Variants in DMD observed in about 807,000 individuals in gnomAD.
DMD encodes the protein dystrophin, also known as mutant dystrophin.
A neutral mutation model predicts 330.1 loss-of-function variants in DMD; 63 were observed. The observed-to-expected ratio is 0.19, with a 90% CI of 0.16 to 0.24. DMD has a LOEUF of 0.24. DMD is among the 10% of genes least tolerant of loss of function. The probability of loss-of-function intolerance (pLI) is 1.00; values close to 1 mark genes in which losing one functional copy is unlikely to be tolerated. For missense variants in DMD, 3,344 were observed against 2,684.1 expected (o/e 1.25, Z -5.43); for synonymous variants, 1,223 against 959.8 (o/e 1.27, Z -5.07).
Position 31,824,975 on chromosome X carries a change from A to G in DMD, c.7201-4892T>C, listed in dbSNP as rs753819366. Among the ~76,000 whole-genome samples, 3 of 111,882 alleles carry G rather than the reference A, an allele frequency of 2.7e-5. No homozygotes were observed. The South Asian group carries it at 1.1e-3, about 42-fold the overall frequency. ...AAATGTAACTTTTTTATTTATTAAA[A>G]ATCAGTCTTGAACCCAAAAGCAAAC... On this transcript the variant is annotated intron_variant, in intron 49 of 78. Transcript: ENST00000357033.
chrX:32,895,148 T>G (rs187952815), intron 2 of DMD, among the ~76,000 whole-genome samples: 1 of 112,162 alleles, frequency 8.9e-6, no homozygotes, highest in Non-Finnish European at 1.9e-5. Flanking sequence ...CTTACCCTAA[T>G]TAATTCCCAA....
intron 2 of DMD, among the ~76,000 whole-genome samples, chrX:32,855,573 C>T (rs1420100183): frequency 1.8e-5 from 2 of 111,680 alleles, no homozygotes; most frequent in Non-Finnish European, 3.8e-5. Flanking sequence ...AAAAGACCAT[C>T]TTTTCAATAA....
chrX:31,941,712 C>G (rs775829786), intron 45 of DMD, among the ~76,000 whole-genome samples: 8 of 111,335 alleles, frequency 7.2e-5, no homozygotes, highest in Non-Finnish European at 1.1e-4. Context: ...CCTTCCTCCC[C>G]CTTCTAGTAG....
At chrX:32,598,225 T>C (rs1192223523) in intron 12 of DMD, among the ~76,000 whole-genome samples, 1 of 112,350 alleles carries the variant, frequency 8.9e-6, no homozygotes, top group African/African-American at 3.2e-5. Flanking sequence ...TGCATCTATT[T>C]TGTGTGTGCA....
chrX:31,523,155 C>T (rs1256269387), intron 55 of DMD, among the ~76,000 whole-genome samples: 1 of 111,017 alleles, frequency 9.0e-6, no homozygotes, highest in Non-Finnish European at 1.9e-5. Flanking sequence ...CAAGTGATGC[C>T]GATACTGCTA....
At position 31,249,008 on chromosome X, in the gene DMD, C is replaced by G. The variant is rs747839591; in HGVS notation, c.9286+11947G>C. 1.1e-4 allele frequency among the ~76,000 whole-genome samples: 12 copies of G among 111,799 alleles called. No homozygotes were observed. The East Asian group carries it at 2.5e-3, about 24-fold the overall frequency. On this transcript the variant is annotated intron_variant, in intron 63 of 78. Coordinates refer to ENST00000357033, the MANE Select transcript of DMD (RefSeq NM_004006.3). ...CTGTGTGTGTGGCTTCTCAGCACTT[C>G]CATTCTTGAGTAACCAATTTCCCGC...
At chrX:31,453,786 A>AC (rs2065950358) in intron 59 of DMD, among the ~76,000 whole-genome samples, 1 of 105,182 alleles carries the variant, frequency 9.5e-6, no homozygotes, top group Non-Finnish European at 1.9e-5. Flanking sequence ...AAAAAAAAAA[A>AC]AAAACCACAA....
At chrX:31,902,015 G>A (rs2094429536) in intron 47 of DMD, among the ~76,000 whole-genome samples, 1 of 111,285 alleles carries the variant, frequency 9.0e-6, no homozygotes, top group South Asian at 3.7e-4. Context: ...ATTAACTATA[G>A]TAATCTCCAT....
intron 9 of DMD, among the ~76,000 whole-genome samples, chrX:32,687,684 C>T (rs181160830): frequency 3.6e-5 from 4 of 111,845 alleles, no homozygotes; most frequent in African/African-American, 1.3e-4. Context: ...GCTTCATCTA[C>T]TATTTTATTA....
intron 18 of DMD, among the ~76,000 whole-genome samples, chrX:32,514,333 G>A (rs2045634807): frequency 9.0e-6 from 1 of 111,338 alleles, no homozygotes; most frequent in African/African-American, 3.3e-5. Flanking sequence ...TACTGTGAAT[G>A]ATGGGGAAAG....
chrX:31,414,711 A>G (rs906897914), intron 60 of DMD, among the ~76,000 whole-genome samples: 11 of 112,457 alleles, frequency 9.8e-5, no homozygotes, highest in East Asian at 8.3e-4. Flanking sequence ...CAAATATTAT[A>G]AAAGAAAATA....
intron 48 of DMD, among the ~76,000 whole-genome samples, chrX:31,842,914 A>G (rs779195503): frequency 9.0e-6 from 1 of 111,287 alleles, no homozygotes; most frequent in Non-Finnish European, 1.9e-5. Flanking sequence ...TACTGTTGCC[A>G]TCTTTATGTC....
intron 2 of DMD, among the ~76,000 whole-genome samples, chrX:33,010,274 A>G (rs1056765189): frequency 1.8e-5 from 2 of 108,402 alleles, no homozygotes; most frequent in Non-Finnish European, 3.8e-5. Flanking sequence ...ATGTGTGTAT[A>G]TGTACATATA....
intron 51 of DMD, among the ~76,000 whole-genome samples, chrX:31,763,908 T>C (rs60617212): frequency 0.14 from 15,134 of 110,888 alleles, 762 homozygotes; most frequent in Admixed American, 0.19. Flanking sequence ...TGGAGTTTTG[T>C]TCCATTGCCC....
intron 2 of DMD, among the ~76,000 whole-genome samples, chrX:32,890,747 T>C (rs2085124497): frequency 4.5e-5 from 5 of 111,989 alleles, no homozygotes; most frequent in Admixed American, 1.9e-4. Flanking sequence ...CCACTAGTTA[T>C]ATGTGGCTAC....
At chrX:32,197,316 C>T (rs981970335) in intron 44 of DMD, among the ~76,000 whole-genome samples, 1 of 111,379 alleles carries the variant, frequency 9.0e-6, no homozygotes, top group African/African-American at 3.3e-5. Context: ...GTGTTACAAA[C>T]AATCCAATCA....
chrX:32,153,879 A>G (rs770771776), intron 44 of DMD, among the ~76,000 whole-genome samples: 1 of 112,385 alleles, frequency 8.9e-6, no homozygotes, highest in East Asian at 2.8e-4. Flanking sequence ...CATGGCAGAA[A>G]CTATAATGAA....
chrX:31,945,481 C>T (rs776786242), intron 45 of DMD, among the ~76,000 whole-genome samples: 1 of 111,716 alleles, frequency 9.0e-6, no homozygotes, highest in East Asian at 2.8e-4. Context: ...GATTAAAATG[C>T]GATAAGCATT....
intron 44 of DMD, among the ~76,000 whole-genome samples, chrX:31,970,241 A>G (rs1279684700): frequency 9.1e-6 from 1 of 110,441 alleles, no homozygotes; most frequent in Non-Finnish European, 1.9e-5. Context: ...GAAGAGAGGA[A>G]GGAATGGAGG....
Sources: allele counts gnomAD v4.1 joint callset (sites outside exome capture counted in the v4.1 genomes callset), GRCh38; gene constraint gnomAD v4.1.1; transcripts MANE v1.5; gene names NCBI Gene and HGNC (gene_info 2026-07-23, HGNC 2026-07-21).